The following PDE11A variants were observed in gnomAD, a reference collection of about 807,000 sequenced individuals.
PDE11A encodes phosphodiesterase 11A.
In PDE11A, 100 loss-of-function variants were observed where a neutral mutation model predicts 100.5. The observed-to-expected ratio is 1.00, with a 90% CI of 0.85 to 1.18. The LOEUF is 1.18. PDE11A is among the 50% of genes most tolerant of loss of function. PDE11A has a pLI of 0.00. For synonymous variants in PDE11A, 381 were observed against 420.8 expected, an observed-to-expected ratio of 0.91 and a Z score of 1.16; for missense variants, 1,141 against 1,152.6, an observed-to-expected ratio of 0.99 and a Z score of 0.15.
intron 10 of PDE11A, among the ~76,000 whole-genome samples, chr2:177,750,213 C>A (rs1339073439): frequency 6.6e-6 from 1 of 152,138 alleles, no homozygotes; most frequent in Non-Finnish European, 1.5e-5. Context: ...TCTGGGTATA[C>A]TAAGGCAATA....
rs545763974 is a variant in PDE11A at position 178,034,192 on chromosome 2, T to G, written c.913-19732A>C. Among the ~76,000 whole-genome samples the G allele has an allele frequency of 2.1e-4, 32 of 150,338 alleles. No individual in the cohort carries two copies. In the Middle Eastern group the frequency reaches 0.01, roughly 48 times the overall value. ...ACACATAGGGTCAAAAAAAAAGGGA[T>G]GGAGGAATATTTACCAAGCAAATGG... On this transcript the variant is annotated intron_variant, in intron 1 of 19. Transcript: ENST00000286063.
At chr2:178,049,619 G>A (rs1383081888) in intron 1 of PDE11A, among the ~76,000 whole-genome samples, 2 of 152,184 alleles carry the variant, frequency 1.3e-5, no homozygotes, top group Non-Finnish European at 2.9e-5. Context: ...AGCTGTGACA[G>A]ATGGCACCTG....
intron 9 of PDE11A, among the ~76,000 whole-genome samples, chr2:177,788,721 C>G (rs1303889944): frequency 6.6e-6 from 1 of 152,134 alleles, no homozygotes; most frequent in Non-Finnish European, 1.5e-5. Context: ...CCACCAATCC[C>G]ACAGAAATTC....
chr2:177,845,150 G>A (rs1302404817), intron 5 of PDE11A, among the ~76,000 whole-genome samples: 4 of 150,370 alleles, frequency 2.7e-5, no homozygotes, highest in East Asian at 2.0e-4. Flanking sequence ...CGGACGGGGC[G>A]GCTGGCCGGG....
intron 5 of PDE11A, among the ~76,000 whole-genome samples, chr2:177,874,591 C>T (rs2084199166): frequency 6.6e-6 from 1 of 152,136 alleles, no homozygotes; most frequent in African/African-American, 2.4e-5. Flanking sequence ...CCTGTTATAG[C>T]CTCAAAGATG....
chr2:177,722,408 G>A (rs1459073402), intron 12 of PDE11A, among the ~76,000 whole-genome samples: 2 of 152,128 alleles, frequency 1.3e-5, no homozygotes, highest in African/African-American at 4.8e-5. Context: ...CCTGTGAGAG[G>A]AAATGGATTG....
chr2:177,635,924 A>G (rs927220851), intron 19 of PDE11A, among the ~76,000 whole-genome samples: 1 of 151,444 alleles, frequency 6.6e-6, no homozygotes, highest in Non-Finnish European at 1.5e-5. Flanking sequence ...TTCCTTTTTG[A>G]TGGAACCCAA....
intron 2 of PDE11A, among the ~76,000 whole-genome samples, chr2:177,908,277 G>T (rs2084822587): frequency 6.6e-6 from 1 of 152,190 alleles, no homozygotes; most frequent in Non-Finnish European, 1.5e-5. Context: ...AAGCAGTTCT[G>T]GTAGAGCAGG....
At chr2:177,916,724 G>A (rs754631621) in intron 2 of PDE11A, among the ~76,000 whole-genome samples, 8 of 134,666 alleles carry the variant, frequency 5.9e-5, no homozygotes, top group Non-Finnish European at 1.3e-4. Flanking sequence ...TCAACTTGAA[G>A]GTTCTTTTTA....
chr2:178,081,081 A>G (rs13419755), intron 2 of PDE11A, among the ~76,000 whole-genome samples: 31,652 of 152,154 alleles, frequency 0.21, 3,502 homozygotes, highest in African/African-American at 0.25. Flanking sequence ...GCAATGTAAT[A>G]TGAAATAGTA....
rs141126617 is a variant in PDE11A at position 177,954,656 on chromosome 2, C to T, written c.1072-49469G>A. Among the ~76,000 whole-genome samples, 406 of 152,284 alleles carry T rather than the reference C, an allele frequency of 2.7e-3. 3 individuals are homozygous for T. The highest frequency in any genetic ancestry group is 6.8e-3 in the Middle Eastern group (2 of 294). ...TGCCCCTTAGTTAATGCAAGACACA[C>T]GATTCCCCAGTAAGGCCATTCTGGA... On this transcript the variant is annotated intron_variant, in intron 2 of 19. Coordinates refer to ENST00000286063, the MANE Select transcript of PDE11A (RefSeq NM_016953.4).
chr2:178,006,835 G>A (rs2366353), intron 2 of PDE11A, among the ~76,000 whole-genome samples: 138,562 of 151,572 alleles, frequency 0.91, 63,431 homozygotes, highest in East Asian at 1. Flanking sequence ...GGGGGGGGGG[G>A]AAGCCAATGC....
chr2:177,795,975 A>ATATATC (rs1432005488), intron 9 of PDE11A, among the ~76,000 whole-genome samples: 6 of 136,260 alleles, frequency 4.4e-5, no homozygotes, highest in Non-Finnish European at 9.5e-5. Context: ...ATATATATAT[A>ATATATC]TCTTTGCTTT....
intron 4 of PDE11A, among the ~76,000 whole-genome samples, chr2:177,894,703 T>G (rs765321615): frequency 6.6e-6 from 1 of 152,210 alleles, no homozygotes; most frequent in Non-Finnish European, 1.5e-5. Flanking sequence ...CCTAACACCA[T>G]GTAAGGCAAG....
At chr2:177,892,989 T>C (rs998532793) in intron 4 of PDE11A, among the ~76,000 whole-genome samples, 2 of 152,190 alleles carry the variant, frequency 1.3e-5, no homozygotes, top group Admixed American at 1.3e-4. Context: ...TTTCCTGCCA[T>C]GATGCCTGGG....
At chr2:177,972,193 C>A (rs879725632) in intron 2 of PDE11A, among the ~76,000 whole-genome samples, 5 of 152,102 alleles carry the variant, frequency 3.3e-5, no homozygotes, top group Non-Finnish European at 7.4e-5. Flanking sequence ...AAATGTAGAC[C>A]ATTTGTAGAA....
At chr2:178,017,500 A>C (rs112956525) in intron 1 of PDE11A, among the ~76,000 whole-genome samples, 1 of 152,332 alleles carries the variant, frequency 6.6e-6, no homozygotes, top group African/African-American at 2.4e-5. Flanking sequence ...AATACTAAAT[A>C]TCATTTATGG....
chr2:177,786,020 C>T (rs901587039), intron 9 of PDE11A, among the ~76,000 whole-genome samples: 1 of 152,190 alleles, frequency 6.6e-6, no homozygotes, highest in African/African-American at 2.4e-5. Context: ...TGTCTGACAG[C>T]TTTGAAGAGA....
At chr2:178,051,462 A>C (rs535591800) in intron 1 of PDE11A, among the ~76,000 whole-genome samples, 4 of 152,338 alleles carry the variant, frequency 2.6e-5, no homozygotes, top group African/African-American at 7.2e-5. Flanking sequence ...CGGGCAAAAT[A>C]ACCAGCTAAC....
Sources: gnomAD v4.1 joint callset for allele counts (sites outside exome capture counted in the v4.1 genomes callset) on GRCh38, gnomAD v4.1.1 for gene constraint, MANE v1.5 for transcripts, NCBI Gene and HGNC (gene_info 2026-07-23, HGNC 2026-07-21) for gene names.